HS6ST3: variants seen among roughly 807,000 people sequenced by gnomAD.
HS6ST3 encodes heparan-sulfate 6-O-sulfotransferase 3.
In HS6ST3, 12 loss-of-function variants were observed where a neutral mutation model predicts 36.7. That is an observed-to-expected ratio of 0.33 (90% CI 0.21 to 0.53). HS6ST3 has a LOEUF of 0.53. HS6ST3 is among the 20% of genes least tolerant of loss of function. The pLI, the probability that HS6ST3 is intolerant of heterozygous loss-of-function variation, is 0.95. For synonymous variants in HS6ST3, 240 were observed against 257.5 expected (o/e 0.93, Z 0.65); for missense variants, 584 against 640.9 (o/e 0.91, Z 0.96).
rs1454022298 is a variant in HS6ST3, at chr13:96,499,175, G to T, written c.708-333315G>T. ...CCAGTAGCTGGGATTACAAGTGGCT[G>T]CTACCATGCCTGGCTAATTCTTATA... On this transcript the variant is annotated intron_variant, in intron 1 of 1. Coordinates refer to ENST00000376705, the MANE Select transcript of HS6ST3 (RefSeq NM_153456.4). 3.3e-5 allele frequency among the ~76,000 whole-genome samples: 5 copies of T among 151,998 alleles called. No homozygotes were observed. In the East Asian group the frequency reaches 9.7e-4, roughly 29 times the overall value.
At chr13:96,143,242 G>A (rs1291080704) in intron 1 of HS6ST3, among the ~76,000 whole-genome samples, 1 of 151,614 alleles carries the variant, frequency 6.6e-6, no homozygotes, top group Non-Finnish European at 1.5e-5. Context: ...AAAAATCCAC[G>A]GAGCTCCCCA....
At chr13:96,658,502 C>G (rs994049640) in intron 1 of HS6ST3, among the ~76,000 whole-genome samples, 3 of 150,888 alleles carry the variant, frequency 2.0e-5, no homozygotes, top group Admixed American at 6.6e-5. Flanking sequence ...AGGATGGTCT[C>G]GAACTCCTGA....
intron 1 of HS6ST3, among the ~76,000 whole-genome samples, chr13:96,191,722 G>A (rs759417706): frequency 8.5e-5 from 13 of 152,140 alleles, no homozygotes; most frequent in Non-Finnish European, 1.6e-4. Context: ...TAGTACTAGT[G>A]GATGTTTAAA....
intron 1 of HS6ST3, among the ~76,000 whole-genome samples, chr13:96,432,432 TC>T (rs2055620169): frequency 6.6e-6 from 1 of 152,178 alleles, no homozygotes; most frequent in Non-Finnish European, 1.5e-5. Context: ...AGATATCTTT[TC>T]TAGTATATTG....
intron 1 of HS6ST3, among the ~76,000 whole-genome samples, chr13:96,757,621 C>T (rs1352238758): frequency 1.3e-5 from 2 of 152,010 alleles, no homozygotes; most frequent in African/African-American, 4.8e-5. Context: ...TTTGTAGATA[C>T]GCATTATCCG....
intron 1 of HS6ST3, among the ~76,000 whole-genome samples, chr13:96,764,433 G>A (rs1321945547): frequency 6.6e-6 from 1 of 152,230 alleles, no homozygotes; most frequent in Non-Finnish European, 1.5e-5. Context: ...GATGAAGCAA[G>A]TGAGATAGTG....
At chr13:96,125,554 T>C (rs909833056) in intron 1 of HS6ST3, among the ~76,000 whole-genome samples, 5 of 152,144 alleles carry the variant, frequency 3.3e-5, no homozygotes, top group African/African-American at 1.2e-4. Flanking sequence ...CATATCTTTG[T>C]AAGCCACCAA....
intron 1 of HS6ST3, among the ~76,000 whole-genome samples, chr13:96,751,309 G>C (rs1876694436): frequency 6.6e-6 from 1 of 152,082 alleles, no homozygotes; most frequent in Non-Finnish European, 1.5e-5. Flanking sequence ...GTCATTATAG[G>C]ATAAAGGCAG....
chr13:96,579,357 C>G (rs920183190), intron 1 of HS6ST3, among the ~76,000 whole-genome samples: 1 of 152,034 alleles, frequency 6.6e-6, no homozygotes, highest in African/African-American at 2.4e-5. Context: ...GCAAAGACTT[C>G]AGACCAATTC....
chr13:96,324,343 A>G (rs920789898), intron 1 of HS6ST3, among the ~76,000 whole-genome samples: 3 of 152,198 alleles, frequency 2.0e-5, no homozygotes, highest in Admixed American at 2.0e-4. Context: ...CCCGGAGAGC[A>G]TAGCGTCCTG....
At chr13:96,327,709 C>A (rs1357560463) in intron 1 of HS6ST3, among the ~76,000 whole-genome samples, 3 of 151,986 alleles carry the variant, frequency 2.0e-5, no homozygotes, top group African/African-American at 7.2e-5. Context: ...TTTTCCAATT[C>A]TGTGAAGAAA....
At chr13:96,305,228 T>C (rs2054906438) in intron 1 of HS6ST3, among the ~76,000 whole-genome samples, 1 of 152,216 alleles carries the variant, frequency 6.6e-6, no homozygotes, top group African/African-American at 2.4e-5. Flanking sequence ...GGTTGTCAAA[T>C]ATTATCATTC....
intron 1 of HS6ST3, among the ~76,000 whole-genome samples, chr13:96,220,023 T>A (rs561608577): frequency 6.6e-6 from 1 of 152,308 alleles, no homozygotes; most frequent in South Asian, 2.1e-4. Flanking sequence ...CATTACTTCA[T>A]TCGCTCGTTC....
intron 1 of HS6ST3, among the ~76,000 whole-genome samples, chr13:96,552,322 A>C (rs868413911): frequency 6.6e-6 from 1 of 152,138 alleles, no homozygotes; most frequent in Non-Finnish European, 1.5e-5. Context: ...ATTGTCTTGC[A>C]TCCTGATTTA....
chr13:96,697,607 T>C (rs1172859535), intron 1 of HS6ST3, among the ~76,000 whole-genome samples: 1 of 152,158 alleles, frequency 6.6e-6, no homozygotes, highest in Non-Finnish European at 1.5e-5. Context: ...TTAAAAATCC[T>C]AAAAATGTCC....
intron 1 of HS6ST3, among the ~76,000 whole-genome samples, chr13:96,508,158 C>T (rs2056034206): frequency 6.6e-6 from 1 of 152,008 alleles, no homozygotes; most frequent in African/African-American, 2.4e-5. Context: ...GTTGTCATAG[C>T]TTATAACACT....
At chr13:96,430,109 C>T (rs2055607563) in intron 1 of HS6ST3, among the ~76,000 whole-genome samples, 1 of 152,200 alleles carries the variant, frequency 6.6e-6, no homozygotes, top group African/African-American at 2.4e-5. Flanking sequence ...CTTAGCATAG[C>T]TGTGGATGCT....
chr13:96,749,726 A>G (rs2138491210), intron 1 of HS6ST3, among the ~76,000 whole-genome samples: 1 of 152,182 alleles, frequency 6.6e-6, no homozygotes, highest in Admixed American at 6.5e-5. Flanking sequence ...TTCTATGGTC[A>G]CTCATCTGCT....
chr13:96,504,696 G>A (rs1362643506), intron 1 of HS6ST3, among the ~76,000 whole-genome samples: 2 of 152,082 alleles, frequency 1.3e-5, no homozygotes, highest in Non-Finnish European at 2.9e-5. Context: ...AGTCCCAAGG[G>A]ACCTGACATA....
Sources: gnomAD v4.1 joint callset for allele counts (sites outside exome capture counted in the v4.1 genomes callset) on GRCh38, gnomAD v4.1.1 for gene constraint, MANE v1.5 for transcripts, NCBI Gene and HGNC (gene_info 2026-07-23, HGNC 2026-07-21) for gene names.